Variants in ARMH3 observed in about 807,000 individuals in gnomAD.
ARMH3 encodes armadillo like helical domain containing 3.
A neutral mutation model predicts 99.1 loss-of-function variants in ARMH3; 60 were observed. The observed-to-expected ratio is 0.61, with a 90% CI of 0.49 to 0.75. ARMH3 has a LOEUF of 0.75. Among genes scored for constraint, ARMH3 ranks in the 30% least tolerant of loss-of-function variants. The probability of loss-of-function intolerance (pLI) is 0.00; values close to 1 mark genes in which losing one functional copy is unlikely to be tolerated. For synonymous variants in ARMH3, 285 were observed against 292.8 expected (o/e 0.97, Z 0.27); for missense variants, 679 against 843.1 (o/e 0.81, Z 2.41).
chr10:101,947,773 C>T (rs1380659890), intron 22 of ARMH3, among the ~76,000 whole-genome samples: 3 of 151,474 alleles, frequency 2.0e-5, no homozygotes, highest in Middle Eastern at 3.4e-3. Context: ...GCACTCCAGC[C>T]TGGGCAACAA....
intron 23 of ARMH3, among the ~76,000 whole-genome samples, chr10:101,893,510 T>C (rs1347653958): frequency 2.0e-5 from 3 of 152,020 alleles, no homozygotes; most frequent in Admixed American, 6.6e-5. Context: ...CTAGCTTCTG[T>C]CTGGGTGGAA....
At chr10:101,864,754 GA>G (rs1280382682) in intron 24 of ARMH3, among the ~76,000 whole-genome samples, 1 of 152,124 alleles carries the variant, frequency 6.6e-6, no homozygotes, top group African/African-American at 2.4e-5. Context: ...AGGCTGGGGA[GA>G]GGGGGAAGGG....
intron 1 of ARMH3, 65 bp downstream of exon 1, chr10:102,056,020 T>TA (rs2067844832): frequency 6.6e-6 from 1 of 152,280 alleles, no homozygotes; most frequent in African/African-American, 2.4e-5. Context: ...CAAGGCCTAG[T>TA]ATGGCAGGAC....
At position 102,007,358 on chromosome 10, in the gene ARMH3, G is replaced by A. The variant is rs559031193; in HGVS notation, c.955-725C>T. On this transcript the variant is annotated intron_variant, in intron 13 of 25. Coordinates refer to ENST00000370033, the MANE Select transcript of ARMH3 (RefSeq NM_024541.3). ...ATTTAAAAAAAAAAAAAAAAACTGG[G>A]GTCAACAAATATACAGGATTATTCT... is the stretch of plus-strand genomic sequence containing the variant. 4.1e-4 allele frequency among the ~76,000 whole-genome samples: 62 copies of A among 150,454 alleles called. 1 individual carries two copies. Among genetic ancestry groups the A allele is most frequent in the Non-Finnish European group, 6.9e-4 (47 of 67,632 alleles).
At chr10:101,886,892 A>G (rs2067560688) in intron 24 of ARMH3, among the ~76,000 whole-genome samples, 1 of 152,126 alleles carries the variant, frequency 6.6e-6, no homozygotes, top group Non-Finnish European at 1.5e-5. Flanking sequence ...TTTAGGTTTT[A>G]TTTTAGGGGT....
chr10:101,983,693 T>A (rs964798544), intron 19 of ARMH3, among the ~76,000 whole-genome samples: 1 of 151,916 alleles, frequency 6.6e-6, no homozygotes, highest in African/African-American at 2.4e-5. Flanking sequence ...TGCAGGGAGG[T>A]TGGCACACCC....
At chr10:101,907,251 A>AT (rs58452335) in intron 23 of ARMH3, among the ~76,000 whole-genome samples, 1 of 152,108 alleles carries the variant, frequency 6.6e-6, no homozygotes, top group Non-Finnish European at 1.5e-5. Flanking sequence ...ATGGAAAGGT[A>AT]TTTTTTAAGC....
chr10:101,854,959 C>G lies in ARMH3; in HGVS notation c.1861-5067G>C, dbSNP rs1402187469. 3.1e-5 allele frequency among the ~76,000 whole-genome samples: 3 copies of G among 97,538 alleles called. 1 individual carries two copies. Among genetic ancestry groups the G allele is most frequent in the Admixed American group, 1.2e-4 (1 of 8,616 alleles). 64.0% of individuals were successfully genotyped at this position (97,538 alleles called of 152,430 possible). On this transcript the variant is annotated intron_variant, in intron 24 of 25. Coordinates refer to ENST00000370033, the MANE Select transcript of ARMH3 (RefSeq NM_024541.3). ...TGACAAGGAGTATTTGGAGTTCTGG[C>G]TATCTCAAGATAGTTCTAATGATAA... is the stretch of plus-strand genomic sequence containing the variant.
chr10:101,854,331 C>T (rs1037067353), intron 24 of ARMH3, among the ~76,000 whole-genome samples: 1 of 152,104 alleles, frequency 6.6e-6, no homozygotes, highest in African/African-American at 2.4e-5. Context: ...AAGTAACATA[C>T]AATTGATGGA....
intron 1 of ARMH3, among the ~76,000 whole-genome samples, chr10:102,042,937 T>C (rs903442984): frequency 6.6e-6 from 1 of 152,158 alleles, no homozygotes; most frequent in Non-Finnish European, 1.5e-5. Flanking sequence ...CCAGGCATGA[T>C]GGCTCATGCC....
intron 20 of ARMH3, among the ~76,000 whole-genome samples, chr10:101,958,739 T>C (rs749166944): frequency 3.3e-5 from 5 of 152,184 alleles, no homozygotes; most frequent in Non-Finnish European, 7.3e-5. Flanking sequence ...AAGAAGTTCA[T>C]TCTCCCATGC....
intron 19 of ARMH3, among the ~76,000 whole-genome samples, chr10:101,977,468 T>A (rs1399293188): frequency 6.6e-6 from 1 of 152,120 alleles, no homozygotes; most frequent in East Asian, 1.9e-4. Flanking sequence ...GCAAACTACA[T>A]GGGAAATTAC....
intron 24 of ARMH3, among the ~76,000 whole-genome samples, chr10:101,884,110 G>A (rs2067484556): frequency 1.3e-5 from 2 of 152,058 alleles, no homozygotes; most frequent in Non-Finnish European, 2.9e-5. Context: ...TGACTGATGT[G>A]CTCAGGTTGC....
chr10:102,027,748 A>G (rs1407044456), intron 5 of ARMH3, among the ~76,000 whole-genome samples: 27 of 152,066 alleles, frequency 1.8e-4, no homozygotes, highest in Admixed American at 1.8e-3. Flanking sequence ...GAACTGCAAA[A>G]GGCCAGAATT....
intron 15 of ARMH3, among the ~76,000 whole-genome samples, chr10:101,997,760 T>C (rs2095706): frequency 0.074 from 11,310 of 152,152 alleles, 1,373 homozygotes; most frequent in African/African-American, 0.26. Context: ...ATAGTTATTA[T>C]AAACTTTATA....
intron 2 of ARMH3, among the ~76,000 whole-genome samples, chr10:102,038,731 A>G (rs1395204430): frequency 6.6e-6 from 1 of 151,542 alleles, no homozygotes; most frequent in East Asian, 1.9e-4. Context: ...GAAACCCAAT[A>G]TATGGTCTTT....
At chr10:101,944,194 C>T (rs1397342720) in intron 22 of ARMH3, among the ~76,000 whole-genome samples, 1 of 139,784 alleles carries the variant, frequency 7.2e-6, no homozygotes, top group Non-Finnish European at 1.5e-5. Flanking sequence ...TGGCTAATGC[C>T]TATAATCTCA....
intron 23 of ARMH3, among the ~76,000 whole-genome samples, chr10:101,906,137 C>T (rs547180412): frequency 6.6e-6 from 1 of 152,328 alleles, no homozygotes; most frequent in South Asian, 2.1e-4. Flanking sequence ...AAATATACCA[C>T]AATCCATTTT....
At chr10:102,029,802 C>T (rs907484044) in intron 4 of ARMH3, 57 bp from the exon 5 acceptor site, 2 of 1,511,860 alleles carry the variant, frequency 1.3e-6, no homozygotes, top group Non-Finnish European at 1.8e-6. Flanking sequence ...GTCTGTAGAC[C>T]CACATTGCAG....
Sources: gnomAD v4.1 joint callset for allele counts (sites outside exome capture counted in the v4.1 genomes callset) on GRCh38, gnomAD v4.1.1 for gene constraint, MANE v1.5 for transcripts, NCBI Gene and HGNC (gene_info 2026-07-23, HGNC 2026-07-21) for gene names.